Variants in CLYBL observed in about 807,000 individuals in gnomAD.
The protein encoded by CLYBL is citramalyl-CoA lyase, also known as citramalyl-CoA lyase, mitochondrial.
Under a neutral mutation model 38.9 loss-of-function variants are expected in CLYBL, and 31 were observed. The observed-to-expected ratio is 0.80, with a 90% confidence interval of 0.60 to 1.08. CLYBL has a LOEUF of 1.08. Among genes scored for constraint, CLYBL ranks in the 50% least tolerant of loss-of-function variants. The probability of loss-of-function intolerance (pLI) is 0.00; values close to 1 mark genes in which losing one functional copy is unlikely to be tolerated. For synonymous variants in CLYBL, 171 were observed against 158.6 expected (o/e 1.08, Z -0.59); for missense variants, 434 against 411.6 (o/e 1.05, Z -0.47).
chr13:99,872,741 G>A (rs1490652396), intron 7 of CLYBL, among the ~76,000 whole-genome samples: 2 of 152,156 alleles, frequency 1.3e-5, no homozygotes, highest in African/African-American at 2.4e-5. Context: ...AAGCAGATAG[G>A]GGTGTGGGAG....
intron 1 of CLYBL, among the ~76,000 whole-genome samples, chr13:99,683,646 A>G (rs887665126): frequency 2.4e-4 from 36 of 151,926 alleles, no homozygotes; most frequent in Non-Finnish European, 4.9e-4. Flanking sequence ...TTTAGGGGCA[A>G]TAACACGCAC....
At chr13:99,831,094 G>A (rs1452875038) in intron 2 of CLYBL, among the ~76,000 whole-genome samples, 1 of 152,224 alleles carries the variant, frequency 6.6e-6, no homozygotes, top group African/African-American at 2.4e-5. Context: ...AGAGGCAGGG[G>A]TTGGGTGGCG....
intron 1 of CLYBL, among the ~76,000 whole-genome samples, chr13:99,681,372 A>C (rs1437168402): frequency 6.6e-6 from 1 of 152,176 alleles, no homozygotes; most frequent in African/African-American, 2.4e-5. Context: ...TGGTTCACGG[A>C]AAAAATACAG....
At chr13:99,807,810 T>A (rs760674276) in intron 2 of CLYBL, among the ~76,000 whole-genome samples, 28 of 152,250 alleles carry the variant, frequency 1.8e-4, no homozygotes, top group Middle Eastern at 3.4e-3. Flanking sequence ...TGTTTCACCA[T>A]AATAAAATAT....
chr13:99,748,232 T>C (rs1049599531), intron 1 of CLYBL, among the ~76,000 whole-genome samples: 1 of 151,594 alleles, frequency 6.6e-6, no homozygotes, highest in African/African-American at 2.4e-5. Flanking sequence ...ATACAAAAAT[T>C]AGCCAGGCAT....
chr13:99,800,721 A>G (rs1015229614), intron 2 of CLYBL, among the ~76,000 whole-genome samples: 4 of 152,054 alleles, frequency 2.6e-5, no homozygotes, highest in African/African-American at 9.7e-5. Flanking sequence ...TAAAAATACA[A>G]AAATTAGCCT....
intron 1 of CLYBL, among the ~76,000 whole-genome samples, chr13:99,680,096 T>C (rs2047713304): frequency 6.6e-6 from 1 of 152,226 alleles, no homozygotes; most frequent in South Asian, 2.1e-4. Flanking sequence ...TCATGGGAAG[T>C]GTCAGTTTAA....
intron 2 of CLYBL, among the ~76,000 whole-genome samples, chr13:99,780,378 G>A (rs1157533553): frequency 6.6e-6 from 1 of 152,026 alleles, no homozygotes; most frequent in Non-Finnish European, 1.5e-5. Context: ...TATCCATGTT[G>A]ACAATTTCAC....
chr13:99,754,401 C>T (rs1474133932), intron 1 of CLYBL, among the ~76,000 whole-genome samples: 4 of 128,894 alleles, frequency 3.1e-5, no homozygotes, highest in African/African-American at 1.2e-4. Context: ...TGGGCAACAG[C>T]GTGAGACCCT....
At chr13:99,895,650 G>A (rs1426257463), downstream of CLYBL, 1 of 152,240 alleles carries the variant, frequency 6.6e-6, no homozygotes, top group Non-Finnish European at 1.5e-5. Flanking sequence ...GCGCGGGCTG[G>A]TTTTGGAGGG....
chr13:99,845,167 T>G (rs897870106), intron 2 of CLYBL, among the ~76,000 whole-genome samples: 2 of 152,168 alleles, frequency 1.3e-5, no homozygotes, highest in African/African-American at 4.8e-5. Context: ...CATCTTCATC[T>G]CGCATGAAGG....
intron 7 of CLYBL, among the ~76,000 whole-genome samples, chr13:99,875,926 A>G (rs2052027081): frequency 6.6e-6 from 1 of 152,160 alleles, no homozygotes; most frequent in Admixed American, 6.5e-5. Flanking sequence ...TTGATTTTTA[A>G]AAGTCCAGTT....
chr13:99,690,858 A>T (rs1365022044), intron 1 of CLYBL: 1 of 152,232 alleles, frequency 6.6e-6, no homozygotes, highest in African/African-American at 2.4e-5. Flanking sequence ...GGGGGAAAAA[A>T]GTTATTTGAA....
chr13:99,818,546 T>C (rs2050509020), intron 2 of CLYBL, among the ~76,000 whole-genome samples: 1 of 152,046 alleles, frequency 6.6e-6, no homozygotes, highest in African/African-American at 2.4e-5. Flanking sequence ...GCACTACTAT[T>C]ATGCTAATCC....
intron 2 of CLYBL, among the ~76,000 whole-genome samples, chr13:99,799,494 G>T (rs1003658159): frequency 3.3e-5 from 5 of 152,110 alleles, no homozygotes; most frequent in Non-Finnish European, 5.9e-5. Context: ...GATTATTAGA[G>T]CTTGCAGGAC....
chr13:99,843,593 G>GA (rs2051133325), intron 2 of CLYBL, among the ~76,000 whole-genome samples: 2 of 137,582 alleles, frequency 1.5e-5, no homozygotes, highest in African/African-American at 5.6e-5. Flanking sequence ...AACAGCTGGG[G>GA]AAAAATTAAT....
chr13:99,735,820 G>A (rs1787788484), intron 1 of CLYBL, among the ~76,000 whole-genome samples: 1 of 152,040 alleles, frequency 6.6e-6, no homozygotes, highest in African/African-American at 2.4e-5. Context: ...GTTTGCACAA[G>A]ACTTGGTACC....
intron 1 of CLYBL, among the ~76,000 whole-genome samples, chr13:99,771,551 C>T (rs2049395943): frequency 6.6e-6 from 1 of 152,174 alleles, no homozygotes; most frequent in South Asian, 2.1e-4. Context: ...ATCGCTCGTC[C>T]TGATTATGGG....
chr13:99,853,524 T>C (rs1270918693), intron 2 of CLYBL, among the ~76,000 whole-genome samples: 11 of 152,212 alleles, frequency 7.2e-5, no homozygotes, highest in Admixed American at 7.2e-4. Flanking sequence ...TTTCTTTTTT[T>C]CAAAAACAGG....
Sources: allele counts gnomAD v4.1 joint callset (sites outside exome capture counted in the v4.1 genomes callset), GRCh38; gene constraint gnomAD v4.1.1; transcripts MANE v1.5; gene names NCBI Gene and HGNC (gene_info 2026-07-23, HGNC 2026-07-21).